Variants in OPCML observed in about 807,000 individuals in gnomAD.
The protein encoded by OPCML is opioid binding protein/cell adhesion molecule like.
A neutral mutation model predicts 37.8 loss-of-function variants in OPCML; 13 were observed. That is an observed-to-expected ratio of 0.34 (90% CI 0.22 to 0.55). OPCML has a LOEUF of 0.55. Among genes scored for constraint, OPCML ranks in the 20% least tolerant of loss-of-function variants. The pLI is 0.91. For missense variants in OPCML, 341 were observed against 435.6 expected (o/e 0.78, Z 1.93); for synonymous variants, 176 against 168.8 (o/e 1.04, Z -0.33).
At chr11:132,472,526 A>G (rs2096141204) in intron 4 of OPCML, among the ~76,000 whole-genome samples, 1 of 152,222 alleles carries the variant, frequency 6.6e-6, no homozygotes, top group Non-Finnish European at 1.5e-5. Context: ...TCTCTGTAAT[A>G]TTTATATTTC....
chr11:132,554,329 C>T (rs1389094745), intron 3 of OPCML, among the ~76,000 whole-genome samples: 1 of 152,226 alleles, frequency 6.6e-6, no homozygotes, highest in Non-Finnish European at 1.5e-5. Context: ...GCCCTAAAGG[C>T]CTCAGCCCCT....
chr11:132,870,022 C>T (rs903023393), intron 2 of OPCML, among the ~76,000 whole-genome samples: 5 of 151,962 alleles, frequency 3.3e-5, no homozygotes, highest in Admixed American at 6.6e-5. Flanking sequence ...CATCATGTAA[C>T]GCCCCTTCCC....
intron 1 of OPCML, among the ~76,000 whole-genome samples, chr11:133,359,372 A>G: frequency 6.6e-6 from 1 of 152,142 alleles, no homozygotes; most frequent in East Asian, 1.9e-4. Flanking sequence ...TGAGGATGCC[A>G]TATCCTAATG....
intron 1 of OPCML, among the ~76,000 whole-genome samples, chr11:133,462,404 C>T (rs985576271): frequency 6.6e-6 from 1 of 151,934 alleles, no homozygotes; most frequent in African/African-American, 2.4e-5. Context: ...GAAACTGCAA[C>T]CTATGGAGTA....
chr11:132,772,956 G>A lies in OPCML; in HGVS notation c.147-115637C>T, dbSNP rs981242040. 3.9e-5 allele frequency: 6 copies of A among 152,214 alleles called. No homozygotes were observed. The East Asian group carries it at 1.2e-3, about 29-fold the overall frequency. 9.4% of individuals were successfully genotyped at this position (152,214 alleles called of 1,614,324 possible). On this transcript the variant is annotated intron_variant, in intron 2 of 7. Coordinates refer to ENST00000524381, the MANE Select transcript of OPCML (RefSeq NM_001012393.5). ...ACATTGGAGAGGAGCAGGGGACCTG[G>A]TAATAGAGCTGTTGTTGTCTTCCTC...
chr11:133,104,121 C>T (rs715352), intron 1 of OPCML, among the ~76,000 whole-genome samples: 66,497 of 152,188 alleles, frequency 0.44, 16,836 homozygotes, highest in Admixed American at 0.55. Flanking sequence ...GCCCATTAGA[C>T]AGCTCCACAT....
At chr11:132,443,709 A>T (rs2096044481) in intron 4 of OPCML, among the ~76,000 whole-genome samples, 1 of 152,224 alleles carries the variant, frequency 6.6e-6, no homozygotes, top group Admixed American at 6.5e-5. Flanking sequence ...GGACATCTGG[A>T]GTAAGATAGA....
chr11:132,782,556 C>T (rs980181073), intron 2 of OPCML, among the ~76,000 whole-genome samples: 8 of 152,166 alleles, frequency 5.3e-5, no homozygotes, highest in African/African-American at 1.4e-4. Context: ...GTTCTGGCTT[C>T]TCTATTCTTT....
At chr11:132,527,311 G>A (rs1419766315) in intron 4 of OPCML, among the ~76,000 whole-genome samples, 1 of 152,104 alleles carries the variant, frequency 6.6e-6, no homozygotes, top group Non-Finnish European at 1.5e-5. Context: ...ATGTGAAATT[G>A]TTTCCTATAG....
intron 1 of OPCML, among the ~76,000 whole-genome samples, chr11:133,412,830 G>T (rs566519632): frequency 6.6e-6 from 1 of 152,298 alleles, no homozygotes; most frequent in Admixed American, 6.5e-5. Flanking sequence ...TGACTGTTAT[G>T]TACAGGACAC....
chr11:132,638,107 A>G (rs1215649331), intron 3 of OPCML, among the ~76,000 whole-genome samples: 1 of 150,410 alleles, frequency 6.6e-6, no homozygotes, highest in Non-Finnish European at 1.5e-5. Context: ...GAAGCATAGT[A>G]TTAGATGTCA....
chr11:132,450,817 G>A (rs999906278), intron 4 of OPCML, among the ~76,000 whole-genome samples: 3 of 152,086 alleles, frequency 2.0e-5, no homozygotes, highest in African/African-American at 7.2e-5. Flanking sequence ...GTGTCCATTT[G>A]GATAAATTGC....
chr11:133,183,552 T>C (rs2136289266), intron 1 of OPCML, among the ~76,000 whole-genome samples: 1 of 152,278 alleles, frequency 6.6e-6, no homozygotes, highest in Admixed American at 6.5e-5. Flanking sequence ...TCAAAAAACC[T>C]CTTCCCAAAC....
intron 1 of OPCML, among the ~76,000 whole-genome samples, chr11:133,468,165 C>T (rs1947018647): frequency 6.6e-6 from 1 of 152,176 alleles, no homozygotes; most frequent in African/African-American, 2.4e-5. Flanking sequence ...TTTTCCTTGC[C>T]TTTCATTGAT....
chr11:132,904,251 C>G (rs954679729), intron 2 of OPCML, among the ~76,000 whole-genome samples: 25 of 152,214 alleles, frequency 1.6e-4, no homozygotes, highest in African/African-American at 5.8e-4. Flanking sequence ...AAACAACACA[C>G]AGAGGAGAAT....
rs762340521 is a variant in OPCML, at chr11:133,130,289, G to A, written c.62-187279C>T. Among the ~76,000 whole-genome samples, 44 of 151,958 alleles carry A rather than the reference G, an allele frequency of 2.9e-4. 1 individual carries two copies. The highest frequency in any genetic ancestry group is 5.6e-4 in the Non-Finnish European group (38 of 67,974). On this transcript the variant is annotated intron_variant, in intron 1 of 7. Coordinates refer to ENST00000524381, the MANE Select transcript of OPCML (RefSeq NM_001012393.5). ...AAATATATGATAAAAGAAAATGTGTGGAACATTAATGATCTGTGAGATAAC... is the reference window on the plus strand; with the variant it reads ...AAATATATGATAAAAGAAAATGTGTAGAACATTAATGATCTGTGAGATAAC...
At chr11:132,487,384 C>T (rs563973762) in intron 4 of OPCML, among the ~76,000 whole-genome samples, 9 of 152,338 alleles carry the variant, frequency 5.9e-5, no homozygotes, top group South Asian at 2.1e-4. Flanking sequence ...CTGCTATAAT[C>T]TCCAACATAC....
intron 1 of OPCML, among the ~76,000 whole-genome samples, chr11:132,992,685 G>T (rs751145095): frequency 6.6e-5 from 10 of 152,142 alleles, no homozygotes; most frequent in Non-Finnish European, 5.9e-5. Flanking sequence ...GGGGAGCAAG[G>T]GGTGCTAGAG....
chr11:133,277,753 G>A (rs1210936056), intron 1 of OPCML, among the ~76,000 whole-genome samples: 1 of 151,856 alleles, frequency 6.6e-6, no homozygotes, highest in East Asian at 1.9e-4. Flanking sequence ...TACAGACCTT[G>A]ACAATAACAG....
Sources: allele counts gnomAD v4.1 joint callset (sites outside exome capture counted in the v4.1 genomes callset), GRCh38; gene constraint gnomAD v4.1.1; transcripts MANE v1.5; gene names NCBI Gene and HGNC (gene_info 2026-07-23, HGNC 2026-07-21).